CDK5RAP2: variants seen among roughly 807,000 people sequenced by gnomAD.
CDK5RAP2 encodes CDK5 regulatory subunit associated protein 2.
In CDK5RAP2, 147 loss-of-function variants were observed where a neutral mutation model predicts 232.9. That is an observed-to-expected ratio of 0.63 (90% confidence interval 0.55 to 0.72). CDK5RAP2 has a LOEUF of 0.72. Ranked by LOEUF, CDK5RAP2 falls within the 30% of genes least tolerant of loss-of-function variation. The pLI, the probability that CDK5RAP2 is intolerant of heterozygous loss-of-function variation, is 0.00. For synonymous variants in CDK5RAP2, 833 were observed against 833.7 expected, an observed-to-expected ratio of 1.00 and a Z score of 0.01; for missense variants, 2,195 against 2,231.5, an observed-to-expected ratio of 0.98 and a Z score of 0.33.
rs145948550 is a variant in CDK5RAP2 at position 120,447,981 on chromosome 9, G to A, written c.2939C>T (p.Thr980Ile). Residue 980 changes from threonine to isoleucine, a missense_variant, in exon 22 of 38, where the codon ACT becomes ATT. Transcript: ENST00000349780. ...ELQGELKEFK[T>I]CNKQLHQKLI... ...CTTTTGGTGAAGTTGCTTATTACAA[G>A]TTTTAAACTCCTTCAGCTCCCCCTG... The A allele has an allele frequency of 5.4e-4, 869 of 1,614,150 alleles. 1 individual carries two copies. Among genetic ancestry groups the A allele is most frequent in the Admixed American group, 1.1e-3 (64 of 60,014 alleles).
In CDK5RAP2 at chr9:120,575,614, T is replaced by C. The variant is rs577623574; in HGVS notation, c.60-3573A>G. Among the ~76,000 whole-genome samples, 34 of 152,326 alleles carry C rather than the reference T, an allele frequency of 2.2e-4. No individual in the cohort carries two copies. In the South Asian group the frequency reaches 6.8e-3, roughly 31 times the overall value. On this transcript the variant is annotated intron_variant, in intron 1 of 37. Transcript: ENST00000349780. Reference sequence around the variant, plus strand: ...TTACACAAACAAACTCACTTTTGTCTTTTAACAACCCCTTTTTCATTCTAT... The same window carrying C: ...TTACACAAACAAACTCACTTTTGTCCTTTAACAACCCCTTTTTCATTCTAT...
intron 13 of CDK5RAP2, among the ~76,000 whole-genome samples, chr9:120,490,006 C>T (rs1334592535): frequency 6.6e-6 from 1 of 152,132 alleles, no homozygotes; most frequent in African/African-American, 2.4e-5. Context: ...GGAGTTTCTC[C>T]ATGTTGGTCA....
At chr9:120,449,803 T>C (rs1466570792) in intron 21 of CDK5RAP2, among the ~76,000 whole-genome samples, 5 of 152,082 alleles carry the variant, frequency 3.3e-5, no homozygotes, top group Non-Finnish European at 7.4e-5. Flanking sequence ...AAAATGTAAA[T>C]CAAATCACAA....
chr9:120,502,046 T>G (rs2039598377), intron 12 of CDK5RAP2, among the ~76,000 whole-genome samples: 1 of 152,028 alleles, frequency 6.6e-6, no homozygotes, highest in South Asian at 2.1e-4. Context: ...TTATTCCAGG[T>G]CTCTCTCATT....
intron 3 of CDK5RAP2, among the ~76,000 whole-genome samples, chr9:120,564,260 G>A (rs1010600828): frequency 2.0e-5 from 3 of 152,194 alleles, no homozygotes; most frequent in African/African-American, 7.2e-5. Context: ...AAGGTCAGGA[G>A]ATCAAGACCA....
chr9:120,409,733 G>A (rs1351288150), intron 29 of CDK5RAP2, among the ~76,000 whole-genome samples: 1 of 152,236 alleles, frequency 6.6e-6, no homozygotes, highest in African/African-American at 2.4e-5. Context: ...CACTCCTCAG[G>A]CTGAGGACAG....
chr9:120,514,572 T>C (rs1398487871), intron 12 of CDK5RAP2, among the ~76,000 whole-genome samples: 2 of 152,144 alleles, frequency 1.3e-5, no homozygotes, highest in South Asian at 2.1e-4. Context: ...CTTGGAACTG[T>C]AGTATGGATG....
intron 10 of CDK5RAP2, 135 bp downstream of exon 10, chr9:120,527,671 A>C (rs1319331987): frequency 1.1e-6 from 1 of 928,286 alleles, no homozygotes; most frequent in African/African-American, 1.7e-5. Flanking sequence ...GGTTGACTAG[A>C]GGATCATTTC....
intron 20 of CDK5RAP2, among the ~76,000 whole-genome samples, chr9:120,457,085 T>G (rs1315229965): frequency 6.6e-6 from 1 of 152,178 alleles, no homozygotes; most frequent in Non-Finnish European, 1.5e-5. Context: ...CCAAATCCTC[T>G]AAATACACTG....
At position 120,439,529 on chromosome 9, in the gene CDK5RAP2, C is replaced by T. The variant is rs1293686264; in HGVS notation, c.3592G>A (p.Val1198Met). Residue 1198 changes from valine to methionine, a missense_variant, in exon 24 of 38, where the codon GTG becomes ATG. Transcript: ENST00000349780. Reference protein sequence around the residue: ...PLAPEMIDSRVLENLKQQLEE... With the variant: ...PLAPEMIDSRMLENLKQQLEE... ...AGCTGCTGTTTGAGGTTCTCCAGCA[C>T]CCTGCTGTCAATCATCTCTGGGGCC... 2.5e-6 allele frequency: 4 copies of T among 1,614,090 alleles called. No homozygotes were observed. The highest frequency in any genetic ancestry group is 1.7e-5 in the Admixed American group (1 of 60,010).
chr9:120,580,101 T>C lies in CDK5RAP2; in HGVS notation c.-123A>G, dbSNP rs1346908832. The stretch of plus-strand genomic sequence containing the variant: ...TCCACCCCAGCTCTTGTTCAGACTC[T>C]GGCGGCGCCGCTGGAATTCAAACCA... On this transcript the variant is annotated 5_prime_UTR_variant, in exon 1 of 38. Coordinates refer to ENST00000349780, the MANE Select transcript of CDK5RAP2 (RefSeq NM_018249.6). The C allele has an allele frequency of 3.3e-6, 2 of 604,780 alleles. No individual in the cohort carries two copies. The highest frequency in any genetic ancestry group is 3.1e-5 in the Admixed American group (1 of 32,566). 37.5% of individuals were successfully genotyped at this position (604,780 alleles called of 1,614,324 possible). A position where few individuals can be genotyped will look rare whatever the true frequency, so the allele number is the denominator to read the frequency against.
At chr9:120,429,983 C>A (rs998212089) in intron 25 of CDK5RAP2, among the ~76,000 whole-genome samples, 2 of 152,148 alleles carry the variant, frequency 1.3e-5, no homozygotes, top group Non-Finnish European at 2.9e-5. Context: ...TGATCTTTGA[C>A]AAACCTGAGA....
intron 11 of CDK5RAP2, among the ~76,000 whole-genome samples, chr9:120,521,900 C>G (rs1564334354): frequency 6.6e-6 from 1 of 152,138 alleles, no homozygotes; most frequent in Non-Finnish European, 1.5e-5. Context: ...CTGCCTCGGC[C>G]TCCCAAAGTG....
chr9:120,403,320 C>T lies in CDK5RAP2; in HGVS notation c.5042-249G>A. The stretch of plus-strand genomic sequence containing the variant: ...CAACACTTATCAACCACCCACTCGG[C>T]AGAAGACCCCAGATTCACAAGGATG... On this transcript the variant is annotated intron_variant, in intron 33 of 37. Transcript: ENST00000349780. The surrounding 1 kb of genome is among the most constrained non-coding windows in gnomAD (Gnocchi z 4.2). 1 of 504,204 alleles carries T rather than the reference C, an allele frequency of 2.0e-6. No individual in the cohort carries two copies. Among genetic ancestry groups the T allele is most frequent in the Non-Finnish European group, 3.6e-6 (1 of 277,560 alleles). The allele number at this position is 504,204 out of a possible 1,614,324, so 31.2% of individuals were successfully genotyped here. A position where few individuals can be genotyped will look rare whatever the true frequency, so the allele number is the denominator to read the frequency against.
intron 3 of CDK5RAP2, among the ~76,000 whole-genome samples, chr9:120,551,814 A>G (rs913475119): frequency 6.6e-6 from 1 of 152,228 alleles, no homozygotes. Flanking sequence ...TAATAATATG[A>G]TTTTACAGGA....
rs768783783 is a variant in CDK5RAP2, at chr9:120,407,244, C to T, written c.4731G>A (p.Ala1577=). 1.3e-5 allele frequency: 21 copies of T among 1,610,622 alleles called. No homozygotes were observed. Among genetic ancestry groups the T allele is most frequent in the Middle Eastern group, 1.6e-4 (1 of 6,084 alleles). ...CCTGCCCCTTCCAGCCTTCTCCCGA[C>T]GCCTCTGAGGACATGTGCAAAGAGA... ...LDEEHRRLRE[A]SGEGWKGQDP... The change falls in exon 32 of 38, where the codon GCG becomes GCA. Residue 1577 remains alanine (A), a synonymous_variant. Transcript: ENST00000349780.
intron 3 of CDK5RAP2, among the ~76,000 whole-genome samples, chr9:120,560,517 A>G (rs1201313140): frequency 6.6e-6 from 1 of 152,206 alleles, no homozygotes; most frequent in East Asian, 1.9e-4. Context: ...CAGCCCATTC[A>G]CAGTCTCAAG....
intron 6 of CDK5RAP2, among the ~76,000 whole-genome samples, chr9:120,537,570 C>A (rs1252145806): frequency 6.6e-6 from 1 of 152,082 alleles, no homozygotes. Flanking sequence ...AAAGTTATAT[C>A]CTAAGACAGT....
chr9:120,437,174 C>T, intron 25 of CDK5RAP2, 121 bp downstream of exon 25: 1 of 752,040 alleles, frequency 1.3e-6, no homozygotes, highest in East Asian at 2.7e-5. Flanking sequence ...CTGCTGTCAC[C>T]TCATCAAGGC....
Sources: gnomAD v4.1 joint callset for allele counts (sites outside exome capture counted in the v4.1 genomes callset) on GRCh38, gnomAD v4.1.1 for gene constraint, Gnocchi (gnomAD v3.1) non-coding constraint, MANE v1.5 for transcripts, NCBI Gene and HGNC (gene_info 2026-07-23, HGNC 2026-07-21) for gene names.